Variants in POLK observed in about 807,000 individuals in gnomAD.
The protein encoded by POLK is DNA polymerase kappa.
A neutral mutation model predicts 94.0 loss-of-function variants in POLK; 76 were observed. The observed-to-expected ratio is 0.81, with a 90% CI of 0.67 to 0.98. The LOEUF is 0.98. Ranked by LOEUF, POLK falls within the 50% of genes least tolerant of loss-of-function variation. POLK has a pLI of 0.00. For missense variants in POLK, 954 were observed against 1,010.1 expected (o/e 0.94, Z 0.75); for synonymous variants, 349 against 325.4 (o/e 1.07, Z -0.78).
chr5:75,519,451 G>A (rs1768468521), intron 1 of POLK, among the ~76,000 whole-genome samples: 1 of 152,090 alleles, frequency 6.6e-6, no homozygotes, highest in South Asian at 2.1e-4. Flanking sequence ...CTGTCTGTAT[G>A]ATTTGTCCTT....
At chr5:75,595,257 A>AAAAAAAAAAAAAG (rs1169452022) in intron 12 of POLK, among the ~76,000 whole-genome samples, 2 of 149,514 alleles carry the variant, frequency 1.3e-5, no homozygotes, top group African/African-American at 4.9e-5. Flanking sequence ...AGAAAAAAAA[A>AAAAAAAAAAAAAG]AAAAAAAAAA....
chr5:75,597,403 A>C (rs1166530301), intron 13 of POLK: 2 of 484,500 alleles, frequency 4.1e-6, no homozygotes, highest in Non-Finnish European at 7.2e-6. Context: ...GCACAGAATG[A>C]ACTCAAAGGT....
At chr5:75,520,689 G>A (rs1308726473) in intron 1 of POLK, among the ~76,000 whole-genome samples, 4 of 152,194 alleles carry the variant, frequency 2.6e-5, no homozygotes, top group Admixed American at 2.0e-4. Context: ...ATGAACCACA[G>A]TGCCTGTAAT....
At chr5:75,563,764 T>C (rs1318666650) in intron 3 of POLK, among the ~76,000 whole-genome samples, 2 of 151,982 alleles carry the variant, frequency 1.3e-5, no homozygotes, top group Non-Finnish European at 2.9e-5. Flanking sequence ...TCTGAGAGAC[T>C]GTTATGATTT....
chr5:75,592,954 G>A (rs536747139), intron 11 of POLK, among the ~76,000 whole-genome samples: 2 of 151,944 alleles, frequency 1.3e-5, no homozygotes, highest in South Asian at 4.2e-4. Flanking sequence ...TACTTGGGAG[G>A]CTGAGGTAGG....
chr5:75,524,958 G>A (rs1465534508), intron 1 of POLK, among the ~76,000 whole-genome samples: 1 of 152,194 alleles, frequency 6.6e-6, no homozygotes, highest in African/African-American at 2.4e-5. Context: ...GGCAAATTGA[G>A]AGCAATCTGA....
intron 1 of POLK, among the ~76,000 whole-genome samples, chr5:75,525,077 C>G (rs1358945041): frequency 2.0e-5 from 3 of 152,126 alleles, no homozygotes; most frequent in African/African-American, 7.2e-5. Flanking sequence ...AAAACAGAAT[C>G]TAGAGTTCTT....
chr5:75,559,129 T>G (rs912070098), intron 3 of POLK, among the ~76,000 whole-genome samples: 2 of 152,194 alleles, frequency 1.3e-5, no homozygotes, highest in Non-Finnish European at 2.9e-5. Flanking sequence ...TTGAGGAAGT[T>G]TAAGGAGTCA....
intron 9 of POLK, 87 bp from the exon 10 acceptor site, chr5:75,586,939 A>G: frequency 2.2e-6 from 2 of 894,548 alleles, no homozygotes; most frequent in Non-Finnish European, 3.5e-6. Context: ...GAGAGCTCTA[A>G]AAGGTAATTG....
At chr5:75,591,075 A>C (rs1772756657) in intron 11 of POLK, among the ~76,000 whole-genome samples, 1 of 152,222 alleles carries the variant, frequency 6.6e-6, no homozygotes, top group South Asian at 2.1e-4. Context: ...GATAGAAGAA[A>C]TAAGACCTAG....
downstream of POLK, among the ~76,000 whole-genome samples, chr5:75,602,684 A>G (rs1288699948): frequency 1.3e-5 from 2 of 152,222 alleles, no homozygotes; most frequent in Admixed American, 6.5e-5. Context: ...CGTTTTGAAT[A>G]TATGCATATA....
chr5:75,523,339 G>T (rs1768675646), intron 1 of POLK, among the ~76,000 whole-genome samples: 1 of 152,166 alleles, frequency 6.6e-6, no homozygotes, highest in Non-Finnish European at 1.5e-5. Context: ...CTGTCATGTA[G>T]ATCGCACTGT....
In POLK at chr5:75,579,370, A is replaced by T. The variant is rs1472738648; in HGVS notation, c.695-1839A>T. The stretch of plus-strand genomic sequence containing the variant: ...GTTTCACAGTCTTTATTTTTTTTTT[A>T]TTTTTTTTTATTTTTTTGAGATGGA... On this transcript the variant is annotated intron_variant, in intron 6 of 14. Transcript: ENST00000241436. Among the ~76,000 whole-genome samples, 114 of 148,788 alleles carry T rather than the reference A, an allele frequency of 7.7e-4. 1 individual carries two copies. Among genetic ancestry groups the T allele is most frequent in the Middle Eastern group, 6.8e-3 (2 of 294 alleles).
chr5:75,567,578 CCTT>C (rs906563489), intron 3 of POLK, among the ~76,000 whole-genome samples: 8 of 152,140 alleles, frequency 5.3e-5, no homozygotes, highest in African/African-American at 1.7e-4. Context: ...TTATTTTTCT[CCTT>C]CTAGTCTCCC....
chr5:75,575,796 T>TTA (rs1392739390), intron 5 of POLK, among the ~76,000 whole-genome samples: 1 of 152,194 alleles, frequency 6.6e-6, no homozygotes, highest in African/African-American at 2.4e-5. Flanking sequence ...CTGTTCATAA[T>TTA]TATATTAAGC....
At chr5:75,534,666 G>T (rs1310238025) in intron 1 of POLK, among the ~76,000 whole-genome samples, 1 of 152,174 alleles carries the variant, frequency 6.6e-6, no homozygotes, top group African/African-American at 2.4e-5. Flanking sequence ...TATGTTGAGT[G>T]CATATATATT....
intron 13 of POLK, 30 bp from the exon 14 acceptor site, chr5:75,597,717 T>C: frequency 7.7e-7 from 1 of 1,304,860 alleles, no homozygotes; most frequent in Non-Finnish European, 1.0e-6. Context: ...TTATTCATTA[T>C]GGAATTTCTT....
chr5:75,529,812 C>T (rs902737387), intron 1 of POLK, among the ~76,000 whole-genome samples: 2 of 152,056 alleles, frequency 1.3e-5, no homozygotes, highest in Non-Finnish European at 2.9e-5. Flanking sequence ...ATACTTAATA[C>T]ATTTCACTTG....
At chr5:75,535,656 G>GT (rs1419724703) in intron 1 of POLK, among the ~76,000 whole-genome samples, 2 of 151,866 alleles carry the variant, frequency 1.3e-5, no homozygotes, top group Non-Finnish European at 2.9e-5. Context: ...CTTCTTTATT[G>GT]TTTTTTCTTT....
Sources: gnomAD v4.1 joint callset for allele counts (sites outside exome capture counted in the v4.1 genomes callset) on GRCh38, gnomAD v4.1.1 for gene constraint, MANE v1.5 for transcripts, NCBI Gene and HGNC (gene_info 2026-07-23, HGNC 2026-07-21) for gene names.